The following PCDHGA10 variants were observed in gnomAD, a reference collection of about 807,000 sequenced individuals.
PCDHGA10 encodes the protein protocadherin gamma-A10.
Under a neutral mutation model 59.5 loss-of-function variants are expected in PCDHGA10, and 42 were observed. The observed-to-expected ratio is 0.71, with a 90% CI of 0.55 to 0.91. The LOEUF is 0.91. PCDHGA10 is among the 40% of genes least tolerant of loss of function. The pLI, the probability that PCDHGA10 is intolerant of heterozygous loss-of-function variation, is 0.00. For synonymous variants in PCDHGA10, 511 were observed against 517.2 expected, an observed-to-expected ratio of 0.99 and a Z score of 0.16; for missense variants, 1,111 against 1,198.2, an observed-to-expected ratio of 0.93 and a Z score of 1.07.
chr5:141,413,449 G>T lies in PCDHGA10; in HGVS notation c.274G>T (p.Gly92Cys). 2 of 1,614,120 alleles carry T rather than the reference G, an allele frequency of 1.2e-6. No individual in the cohort carries two copies. The highest frequency in any genetic ancestry group is 2.2e-5 in the South Asian group (2 of 91,088). ...GCGCAGCGGCAGCTTGATCACCGCGGGCAGGATAGACCGGGAGGAGCTCTG... is the reference window on the plus strand; with the variant it reads ...GCGCAGCGGCAGCTTGATCACCGCGTGCAGGATAGACCGGGAGGAGCTCTG... Reference protein sequence around the residue: ...NPRSGSLITAGRIDREELCAQ... With the variant: ...NPRSGSLITACRIDREELCAQ... The change falls in exon 1 of 4, where the codon GGC becomes TGC. Residue 92 changes from glycine (G) to cysteine (C), a missense_variant. By Grantham distance (159) the Gly-to-Cys change is radical (BLOSUM62 -3). Transcript: ENST00000398610.
chr5:141,415,730 G>A lies in PCDHGA10; in HGVS notation c.2436+119G>A. On this transcript the variant is annotated intron_variant, in intron 1 of 3. Transcript: ENST00000398610. Reference sequence around the variant, plus strand: ...AAAACACTGATGAGTAGAATTTGATGTTTATTAAGGTTTTTTTTTTTTTTT... The same window carrying A: ...AAAACACTGATGAGTAGAATTTGATATTTATTAAGGTTTTTTTTTTTTTTT... 4 of 476,826 alleles carry A rather than the reference G, an allele frequency of 8.4e-6. No individual in the cohort carries two copies. The South Asian group carries it at 2.0e-4, about 24-fold the overall frequency. The allele number at this position is 476,826 out of a possible 1,614,324, so 29.5% of individuals were successfully genotyped here. A position where few individuals can be genotyped will look rare whatever the true frequency, so the allele number is the denominator to read the frequency against.
rs116716465 is a variant in PCDHGA10, at chr5:141,484,286, C to T, written c.2437-10521C>T. ...GATTCTTTACTGTTTTGAAACATCTCCCTCTCCTGGCTTCCTCCACCCCGC... is the reference window on the plus strand; with the variant it reads ...GATTCTTTACTGTTTTGAAACATCTTCCTCTCCTGGCTTCCTCCACCCCGC... On this transcript the variant is annotated intron_variant, in intron 1 of 3. Coordinates refer to ENST00000398610, the MANE Select transcript of PCDHGA10 (RefSeq NM_018913.3). 8.3e-3 allele frequency among the ~76,000 whole-genome samples: 1,266 copies of T among 152,294 alleles called. 10 individuals carry two copies. The highest frequency in any genetic ancestry group is 0.014 in the Non-Finnish European group (936 of 68,022).
chr5:141,420,005 C>T, intron 1 of PCDHGA10: 2 of 1,614,056 alleles, frequency 1.2e-6, no homozygotes, highest in Non-Finnish European at 1.7e-6. Context: ...TCTACGCCTG[C>T]GACAGTCTTT....
intron 1 of PCDHGA10, among the ~76,000 whole-genome samples, chr5:141,459,968 C>T (rs1260233942): frequency 1.3e-5 from 2 of 152,190 alleles, no homozygotes; most frequent in East Asian, 3.8e-4. Context: ...ATCCCAGCTA[C>T]TCAGGAGGCT....
chr5:141,433,358 C>CCTATCTAT (rs3074541), intron 1 of PCDHGA10: 29,853 of 503,480 alleles, frequency 0.059, 1,017 homozygotes, highest in East Asian at 0.071. Context: ...CTACTGTCTG[C>CCTATCTAT]CTATCTATCT....
intron 1 of PCDHGA10, chr5:141,423,652 A>G (rs746768292): frequency 1.9e-6 from 3 of 1,583,268 alleles, no homozygotes; most frequent in Non-Finnish European, 2.6e-6. Flanking sequence ...TGACCCGACA[A>G]GTAATCAGGT....
chr5:141,493,179 T>C lies in PCDHGA10; in HGVS notation c.2437-1628T>C, dbSNP rs1208502829. 6.6e-6 allele frequency among the ~76,000 whole-genome samples: 1 copy of C among 152,230 alleles called. No homozygotes were observed. Among genetic ancestry groups the C allele is most frequent in the Non-Finnish European group, 1.5e-5 (1 of 68,040 alleles). On this transcript the variant is annotated intron_variant, in intron 1 of 3. Coordinates refer to ENST00000398610, the MANE Select transcript of PCDHGA10 (RefSeq NM_018913.3). This position sits in a 1 kb window ranked among gnomAD's most constrained non-coding sequence, Gnocchi z 4.3. ...TGATAGCTGATTGAGAGAAACTTAC[T>C]ATATAACTCCTTTGAGAACCTCATC...
At chr5:141,433,123 C>A in intron 1 of PCDHGA10, 1 of 1,614,116 alleles carries the variant, frequency 6.2e-7, no homozygotes, top group Non-Finnish European at 8.5e-7. Context: ...TTGAAAAAAG[C>A]GAGCCCCTTT....
chr5:141,501,970 T>C (rs2099812082), intron 2 of PCDHGA10, among the ~76,000 whole-genome samples: 1 of 152,068 alleles, frequency 6.6e-6, no homozygotes. Flanking sequence ...TCCTAACCTC[T>C]GGCATCTGGT....
chr5:141,501,836 T>G (rs2099811283), intron 2 of PCDHGA10, among the ~76,000 whole-genome samples: 1 of 152,136 alleles, frequency 6.6e-6, no homozygotes, highest in Non-Finnish European at 1.5e-5. Context: ...CCCACCTGTT[T>G]GGCCCTCAAC....
Position 141,485,286 on chromosome 5 carries a change from AG to A in PCDHGA10, c.2437-9520del. On this transcript the variant is annotated intron_variant, in intron 1 of 3. Coordinates refer to ENST00000398610, the MANE Select transcript of PCDHGA10 (RefSeq NM_018913.3). This position sits in a 1 kb window ranked among gnomAD's most constrained non-coding sequence, Gnocchi z 5.7. ...CAGATCCGCTACCCGGTCCCAGAGG[AG>A]TCACAGGAAGGGACTTTTGTAGGGA... The A allele has an allele frequency of 6.2e-7, 1 of 1,614,044 alleles. No homozygotes were observed. Among genetic ancestry groups the A allele is most frequent in the Non-Finnish European group, 8.5e-7 (1 of 1,179,928 alleles).
rs759756007 is a variant in PCDHGA10 at position 141,476,248 on chromosome 5, T to C, written c.2437-18559T>C. 2 of 1,613,856 alleles carry C rather than the reference T, an allele frequency of 1.2e-6. No individual in the cohort carries two copies. Among genetic ancestry groups the C allele is most frequent in the South Asian group, 2.2e-5 (2 of 91,050 alleles). On this transcript the variant is annotated intron_variant, in intron 1 of 3. Transcript: ENST00000398610. The surrounding 1 kb of genome is among the most constrained non-coding windows in gnomAD (Gnocchi z 7.6). The stretch of plus-strand genomic sequence containing the variant: ...AGATCCCGGAGGAAAGAGAGAAGGG[T>C]TTCGCTGTGGGCAACGTGGTCGCGA...
At chr5:141,418,769 C>A (rs1488222030) in intron 1 of PCDHGA10, 2 of 1,613,828 alleles carry the variant, frequency 1.2e-6, no homozygotes, top group East Asian at 4.5e-5. Flanking sequence ...CATTCTAACT[C>A]AGCAGCCTTT....
chr5:141,509,477 G>A (rs753058277), intron 3 of PCDHGA10, among the ~76,000 whole-genome samples: 7 of 152,166 alleles, frequency 4.6e-5, no homozygotes, highest in African/African-American at 7.2e-5. Context: ...CAGGTGAGGG[G>A]TAGAGGTGAT....
At position 141,486,112 on chromosome 5, in the gene PCDHGA10, G is replaced by A; in HGVS notation, c.2437-8695G>A. ...TGGGGCCCCTAGACTTTGAGAGTGA[G>A]AATTACTATGAATTTGATGTGCGGG... On this transcript the variant is annotated intron_variant, in intron 1 of 3. Transcript: ENST00000398610. This position sits in a 1 kb window ranked among gnomAD's most constrained non-coding sequence, Gnocchi z 5.0. 1 of 1,614,166 alleles carries A rather than the reference G, an allele frequency of 6.2e-7. No homozygotes were observed. Among genetic ancestry groups the A allele is most frequent in the Non-Finnish European group, 8.5e-7 (1 of 1,180,024 alleles).
intron 1 of PCDHGA10, chr5:141,420,927 G>A (rs1257204379): frequency 2.8e-6 from 1 of 362,530 alleles, no homozygotes; most frequent in Non-Finnish European, 5.0e-6. Context: ...ACAAAGGTGA[G>A]CGTAATCATT....
intron 1 of PCDHGA10, among the ~76,000 whole-genome samples, chr5:141,435,303 A>G (rs2097757060): frequency 6.6e-6 from 1 of 152,192 alleles, no homozygotes; most frequent in Admixed American, 6.5e-5. Flanking sequence ...TCATGGTTTT[A>G]AATCATTCAT....
rs990993849 is a variant in PCDHGA10 at position 141,413,070 on chromosome 5, T to G, written c.-106T>G. The stretch of plus-strand genomic sequence containing the variant: ...GGGAAGCTCACTCCAGAATTTAAAG[T>G]GCCCAGGCTACAGAGACACCCTGAA... On this transcript the variant is annotated 5_prime_UTR_variant, in exon 1 of 4. Transcript: ENST00000398610. 8.4e-7 allele frequency: 1 copy of G among 1,195,014 alleles called. No individual in the cohort carries two copies. Among genetic ancestry groups the G allele is most frequent in the African/African-American group, 1.5e-5 (1 of 65,100 alleles). The allele number at this position is 1,195,014 out of a possible 1,614,324, so 74.0% of individuals were successfully genotyped here.
Position 141,486,971 on chromosome 5 carries a change from T to G in PCDHGA10, c.2437-7836T>G. ...AAAGGTGACTGCTGTGGACTTGGAT[T>G]CAGGTTACAATGCTTGGGTTTCCTA... On this transcript the variant is annotated intron_variant, in intron 1 of 3. Transcript: ENST00000398610. The surrounding 1 kb of genome is among the most constrained non-coding windows in gnomAD (Gnocchi z 5.0). The G allele has an allele frequency of 6.2e-7, 1 of 1,614,220 alleles. No homozygotes were observed. The highest frequency in any genetic ancestry group is 8.5e-7 in the Non-Finnish European group (1 of 1,180,042).
Sources: gnomAD v4.1 joint callset for allele counts (sites outside exome capture counted in the v4.1 genomes callset) on GRCh38, gnomAD v4.1.1 for gene constraint, Gnocchi (gnomAD v3.1) non-coding constraint, MANE v1.5 for transcripts, NCBI Gene and HGNC (gene_info 2026-07-23, HGNC 2026-07-21) for gene names.